Variants in ZNF521 observed in about 807,000 individuals in gnomAD.
The protein encoded by ZNF521 is zinc finger protein 521.
Under a neutral mutation model 105.5 loss-of-function variants are expected in ZNF521, and 14 were observed. That is an observed-to-expected ratio of 0.13 (90% CI 0.09 to 0.21). ZNF521 has a LOEUF of 0.21. ZNF521 is among the 10% of genes least tolerant of loss of function. The pLI, the probability that ZNF521 is intolerant of heterozygous loss-of-function variation, is 1.00. For missense variants in ZNF521, 1,233 were observed against 1,629.7 expected (o/e 0.76, Z 4.19); for synonymous variants, 635 against 606.0 (o/e 1.05, Z -0.70).
intron 5 of ZNF521, among the ~76,000 whole-genome samples, chr18:25,126,586 T>C (rs2034543410): frequency 6.6e-6 from 1 of 152,108 alleles, no homozygotes; most frequent in Admixed American, 6.6e-5. Context: ...GAATAACGTT[T>C]ACCTCCTGGG....
chr18:25,276,308 A>G (rs1910030997), intron 3 of ZNF521, among the ~76,000 whole-genome samples: 1 of 152,024 alleles, frequency 6.6e-6, no homozygotes, highest in South Asian at 2.1e-4. Context: ...ATCAAAACAC[A>G]TTTTATAATG....
intron 2 of ZNF521, among the ~76,000 whole-genome samples, chr18:25,331,462 G>C (rs181817103): frequency 1.3e-5 from 2 of 152,156 alleles, no homozygotes; most frequent in Non-Finnish European, 2.9e-5. Flanking sequence ...TTTGAACCTA[G>C]GATTTAGACA....
chr18:25,307,027 G>A (rs1013169741), intron 3 of ZNF521, among the ~76,000 whole-genome samples: 5 of 151,786 alleles, frequency 3.3e-5, no homozygotes, highest in East Asian at 1.9e-4. Context: ...TCCTAGTATC[G>A]AGTGATGGCC....
At chr18:25,110,724 T>C (rs1259401319) in intron 5 of ZNF521, among the ~76,000 whole-genome samples, 1 of 151,794 alleles carries the variant, frequency 6.6e-6, no homozygotes, top group African/African-American at 2.4e-5. Flanking sequence ...ATAGAAGCAC[T>C]GTCTCCTGTA....
chr18:25,247,925 T>C (rs995145720), intron 3 of ZNF521, among the ~76,000 whole-genome samples: 7 of 152,190 alleles, frequency 4.6e-5, no homozygotes, highest in Non-Finnish European at 1.0e-4. Flanking sequence ...TGACTAATTA[T>C]ATATGATGAG....
chr18:25,073,922 T>C (rs1326267089), intron 7 of ZNF521, among the ~76,000 whole-genome samples: 1 of 151,722 alleles, frequency 6.6e-6, no homozygotes, highest in African/African-American at 2.4e-5. Flanking sequence ...GCTTGTCTAC[T>C]ATGGCATATG....
At chr18:25,099,346 A>T (rs142708091) in intron 5 of ZNF521, among the ~76,000 whole-genome samples, 230 of 152,314 alleles carry the variant, frequency 1.5e-3, no homozygotes, top group African/African-American at 5.3e-3. Context: ...CATATAACAT[A>T]GCGGACTGGC....
In ZNF521 at chr18:25,225,308, G is replaced by A. The variant is rs570894821; in HGVS notation, c.2610C>T (p.Asn870=). Residue 870 remains asparagine, a synonymous_variant, in exon 4 of 8, where the codon AAC becomes AAT. Coordinates refer to ENST00000361524, the MANE Select transcript of ZNF521 (RefSeq NM_015461.3). The surrounding 1 kb of genome is among the most constrained non-coding windows in gnomAD (Gnocchi z 5.6). ...CGTCTTCTTCGCTCCCATCGTGACT[G>A]TTGTGGGACTCCTGGCTGTTGGTCA... ...TLLTNSQESH[N]SHDGSEEDVD... is the part of the protein sequence containing the mutation. 4.3e-5 allele frequency: 70 copies of A among 1,614,156 alleles called. No individual in the cohort carries two copies. In the East Asian group the frequency reaches 5.3e-4, roughly 12 times the overall value.
At chr18:25,327,696 A>G (rs766505382) in intron 2 of ZNF521, 4 of 518,946 alleles carry the variant, frequency 7.7e-6, no homozygotes, top group South Asian at 2.8e-5. Context: ...TTGAAATCCC[A>G]TAAGACGAAA....
chr18:25,284,449 A>G (rs913901889), intron 3 of ZNF521, among the ~76,000 whole-genome samples: 1 of 152,222 alleles, frequency 6.6e-6, no homozygotes. Context: ...CAGCAGCAAA[A>G]TAACAATACG....
chr18:25,259,575 C>T (rs1216048271), intron 3 of ZNF521, among the ~76,000 whole-genome samples: 1 of 152,036 alleles, frequency 6.6e-6, no homozygotes, highest in Non-Finnish European at 1.5e-5. Flanking sequence ...GAGAGGAAAA[C>T]AAAAACAGCA....
At chr18:25,342,495 C>G (rs949835282) in intron 2 of ZNF521, among the ~76,000 whole-genome samples, 2 of 149,014 alleles carry the variant, frequency 1.3e-5, no homozygotes, top group Non-Finnish European at 3.0e-5. Context: ...GTGGAGCCAT[C>G]TTGGCTCACT....
At chr18:25,062,766 A>C in intron 7 of ZNF521, 25 bp from the exon 8 acceptor site, 2 of 1,407,594 alleles carry the variant, frequency 1.4e-6, no homozygotes, top group South Asian at 2.8e-5. Context: ...AAAAAAAAAA[A>C]AAAAAAAAAA....
chr18:25,198,288 T>C (rs2035935841), intron 4 of ZNF521, among the ~76,000 whole-genome samples: 1 of 151,862 alleles, frequency 6.6e-6, no homozygotes, highest in Admixed American at 6.6e-5. Flanking sequence ...AATTTAAATG[T>C]GCCTTTTTGA....
At chr18:25,100,973 C>A (rs1044206822) in intron 5 of ZNF521, among the ~76,000 whole-genome samples, 6 of 152,170 alleles carry the variant, frequency 3.9e-5, no homozygotes, top group African/African-American at 9.7e-5. Flanking sequence ...GGCAGAGGAG[C>A]ATTCTGGCCT....
chr18:25,218,875 C>A (rs1417989240), intron 4 of ZNF521, among the ~76,000 whole-genome samples: 1 of 151,872 alleles, frequency 6.6e-6, no homozygotes, highest in Non-Finnish European at 1.5e-5. Context: ...AAATAGCTGA[C>A]CCTCAAAGAA....
chr18:25,233,451 C>G (rs149986207), intron 3 of ZNF521, among the ~76,000 whole-genome samples: 1 of 151,958 alleles, frequency 6.6e-6, no homozygotes, highest in Non-Finnish European at 1.5e-5. Context: ...GAAATGTGAA[C>G]TTTAAAATTA....
intron 2 of ZNF521, among the ~76,000 whole-genome samples, chr18:25,336,863 G>T (rs1231480717): frequency 2.0e-5 from 3 of 152,180 alleles, no homozygotes; most frequent in Non-Finnish European, 1.5e-5. Flanking sequence ...AGAGTAAAAA[G>T]AAACATTTAC....
At position 25,224,602 on chromosome 18, in the gene ZNF521, C is replaced by G; in HGVS notation, c.3316G>C (p.Gly1106Arg). The change falls in exon 4 of 8, where the codon GGC becomes CGC. Residue 1106 changes from glycine to arginine, a missense_variant. This residue lies in a region of ZNF521 where 614 missense variants were observed against 751.5 expected (regional missense o/e 0.82). Transcript: ENST00000361524. Reference sequence around the variant, plus strand: ...TTCGTGCCGGGAGGGACGTTAATGCCTGGGCTGGCGCTCTTACTGAGATTC... The same window carrying G: ...TTCGTGCCGGGAGGGACGTTAATGCGTGGGCTGGCGCTCTTACTGAGATTC... ...CVNLSKSASP[G>R]INVPPGTNRP... 6.2e-7 allele frequency: 1 copy of G among 1,614,122 alleles called. No individual in the cohort carries two copies. Among genetic ancestry groups the G allele is most frequent in the Non-Finnish European group, 8.5e-7 (1 of 1,180,024 alleles).
Sources: allele counts gnomAD v4.1 joint callset (sites outside exome capture counted in the v4.1 genomes callset), GRCh38; gene constraint gnomAD v4.1.1; regional missense constraint gnomAD v4.1.1; non-coding constraint Gnocchi (gnomAD v3.1); transcripts MANE v1.5; gene names NCBI Gene and HGNC (gene_info 2026-07-23, HGNC 2026-07-21).